The following ASTN2 variants were observed in gnomAD, a reference collection of about 807,000 sequenced individuals.
ASTN2 encodes the protein astrotactin 2, also known as astrotactin-2.
A neutral mutation model predicts 139.8 loss-of-function variants in ASTN2; 54 were observed. That is an observed-to-expected ratio of 0.39 (90% CI 0.31 to 0.48). The LOEUF (loss-of-function observed/expected upper bound fraction) is 0.48. ASTN2 is among the 20% of genes least tolerant of loss of function. The probability of loss-of-function intolerance (pLI) is 0.95; values close to 1 mark genes in which losing one functional copy is unlikely to be tolerated. For synonymous variants in ASTN2, 756 were observed against 719.5 expected (o/e 1.05, Z -0.81); for missense variants, 1,565 against 1,725.1 (o/e 0.91, Z 1.64).
chr9:117,316,105 G>T (rs891890227), intron 1 of ASTN2, among the ~76,000 whole-genome samples: 2 of 152,174 alleles, frequency 1.3e-5, no homozygotes, highest in African/African-American at 4.8e-5. Flanking sequence ...ATCACAAATT[G>T]CATGGCTTAG....
At chr9:117,196,075 G>A (rs753829356) in intron 3 of ASTN2, among the ~76,000 whole-genome samples, 36 of 152,168 alleles carry the variant, frequency 2.4e-4, no homozygotes, top group Middle Eastern at 3.2e-3. Flanking sequence ...TCAGTGTGGT[G>A]TAGTGAGTTC....
chr9:116,434,736 T>C (rs541776344), intron 22 of ASTN2, among the ~76,000 whole-genome samples: 13 of 152,306 alleles, frequency 8.5e-5, no homozygotes, highest in African/African-American at 2.4e-4. Context: ...AGCTCAGTTT[T>C]TCAAGTCTCC....
chr9:117,301,358 A>G (rs948046514), intron 1 of ASTN2, among the ~76,000 whole-genome samples: 1 of 152,198 alleles, frequency 6.6e-6, no homozygotes, highest in East Asian at 1.9e-4. Flanking sequence ...GTGGGTGACT[A>G]AAGAATGGAG....
At chr9:116,536,874 C>T (rs1285972296) in intron 19 of ASTN2, among the ~76,000 whole-genome samples, 1 of 152,222 alleles carries the variant, frequency 6.6e-6, no homozygotes, top group Non-Finnish European at 1.5e-5. Context: ...CCACTACTCT[C>T]TTCAAAGCTG....
chr9:117,084,766 TA>T (rs1296851716), intron 5 of ASTN2, among the ~76,000 whole-genome samples: 2 of 152,236 alleles, frequency 1.3e-5, no homozygotes, highest in Non-Finnish European at 2.9e-5. Context: ...TGTTGGCTGA[TA>T]TATCAAGGAA....
chr9:117,375,146 A>C (rs1830090284), intron 1 of ASTN2, among the ~76,000 whole-genome samples: 1 of 152,228 alleles, frequency 6.6e-6, no homozygotes, highest in African/African-American at 2.4e-5. Context: ...GTTAGTTTGT[A>C]AGGACAGAGA....
intron 5 of ASTN2, among the ~76,000 whole-genome samples, chr9:117,050,439 C>G (rs981100575): frequency 6.6e-6 from 1 of 151,966 alleles, no homozygotes; most frequent in African/African-American, 2.4e-5. Context: ...AATACACAAC[C>G]AACGTTATTC....
chr9:116,575,829 G>C (rs1328219003), intron 19 of ASTN2, among the ~76,000 whole-genome samples: 1 of 152,112 alleles, frequency 6.6e-6, no homozygotes, highest in Non-Finnish European at 1.5e-5. Flanking sequence ...TCATTGCATA[G>C]TGAGCTGATA....
At chr9:117,123,336 C>T (rs1271747122) in intron 4 of ASTN2, among the ~76,000 whole-genome samples, 1 of 151,950 alleles carries the variant, frequency 6.6e-6, no homozygotes, top group African/African-American at 2.4e-5. Context: ...CCATATGTGT[C>T]ACAGTTAAGA....
chr9:117,202,610 C>T lies in ASTN2; in HGVS notation c.1015+11748G>A, dbSNP rs192410185. Reference sequence around the variant, plus strand: ...CCTTTGCTTATGAAGCTTAGTTTGGCTAGATATGAAATTCTGGGTTGAAAA... The same window carrying T: ...CCTTTGCTTATGAAGCTTAGTTTGGTTAGATATGAAATTCTGGGTTGAAAA... On this transcript the variant is annotated intron_variant, in intron 3 of 22. Coordinates refer to ENST00000313400, the MANE Select transcript of ASTN2 (RefSeq NM_001365068.1). 2.3e-3 allele frequency among the ~76,000 whole-genome samples: 345 copies of T among 152,226 alleles called. 2 individuals are homozygous for T. The highest frequency in any genetic ancestry group is 8.0e-3 in the African/African-American group (334 of 41,544).
At chr9:116,632,196 G>GAGAGAAAGA (rs1856806883) in intron 17 of ASTN2, among the ~76,000 whole-genome samples, 1 of 21,774 alleles carries the variant, frequency 4.6e-5, no homozygotes, top group Non-Finnish European at 8.4e-5. Context: ...GAGAGAGAGA[G>GAGAGAAAGA]AAAGAAAGAA....
chr9:116,490,632 C>T (rs929989603), intron 19 of ASTN2, among the ~76,000 whole-genome samples: 9 of 152,094 alleles, frequency 5.9e-5, no homozygotes, highest in Non-Finnish European at 8.8e-5. Flanking sequence ...ACAATCATGG[C>T]GGAAGGCACC....
intron 19 of ASTN2, chr9:116,557,722 AT>A (rs2131651017): frequency 6.6e-6 from 1 of 152,324 alleles, no homozygotes; most frequent in South Asian, 2.1e-4. Flanking sequence ...GTGGCATGTA[AT>A]TTCCATACCT....
intron 6 of ASTN2, among the ~76,000 whole-genome samples, chr9:117,017,710 G>A (rs961629094): frequency 6.6e-6 from 1 of 152,066 alleles, no homozygotes; most frequent in Non-Finnish European, 1.5e-5. Context: ...GGGACAAAAT[G>A]TACATGATAA....
rs189464447 is a variant in ASTN2, at chr9:117,388,926, T to G, written c.442+25571A>C. On this transcript the variant is annotated intron_variant, in intron 1 of 22. Transcript: ENST00000313400. The stretch of plus-strand genomic sequence containing the variant: ...CACTCCTCATTGACCATAAAATAAT[T>G]TATTCAATGTGCAAAGAAACAAGTA... Among the ~76,000 whole-genome samples the G allele has an allele frequency of 1.2e-3, 186 of 152,274 alleles. 1 individual carries two copies. The highest frequency in any genetic ancestry group is 2.2e-3 in the Non-Finnish European group (149 of 68,026).
intron 12 of ASTN2, among the ~76,000 whole-genome samples, chr9:116,811,445 G>C (rs1243506326): frequency 6.6e-6 from 1 of 152,144 alleles, no homozygotes; most frequent in Non-Finnish European, 1.5e-5. Context: ...TAATTTGTTT[G>C]TTCCTCTTTT....
intron 19 of ASTN2, among the ~76,000 whole-genome samples, chr9:116,506,895 T>C (rs1055571195): frequency 2.0e-5 from 3 of 152,170 alleles, no homozygotes; most frequent in African/African-American, 4.8e-5. Context: ...CTTGCTTTTT[T>C]ACTTTGTGAC....
At position 116,699,262 on chromosome 9, in the gene ASTN2, A is replaced by G. The variant is rs760400497; in HGVS notation, c.2806+26509T>C. ...GATCGAGGATCAGGGGTGGTCAAAT[A>G]CAGCTGCCTATGTAGTGCTGTGCGG... On this transcript the variant is annotated intron_variant, in intron 16 of 22. Transcript: ENST00000313400. The surrounding 1 kb of genome is among the most constrained non-coding windows in gnomAD (Gnocchi z 4.2). The G allele has an allele frequency of 6.2e-7, 1 of 1,614,206 alleles. No individual in the cohort carries two copies. Among genetic ancestry groups the G allele is most frequent in the Admixed American group, 1.7e-5 (1 of 60,022 alleles).
chr9:116,609,339 TAC>T lies in ASTN2; in HGVS notation c.3355+8983_3355+8984del, dbSNP rs60507061. 5.4e-3 allele frequency among the ~76,000 whole-genome samples: 758 copies of T among 140,372 alleles called. 1 individual carries two copies. Among genetic ancestry groups the T allele is most frequent in the East Asian group, 0.023 (109 of 4,824 alleles). The allele number at this position is 140,372 out of a possible 152,430, so 92.1% of individuals were successfully genotyped here. A position where few individuals can be genotyped will look rare whatever the true frequency, so the allele number is the denominator to read the frequency against. ...CTCTCTCTCTCTCTCTATATATATATACACACACACACATATATACATGAATT... is the reference window on the plus strand; with the variant it reads ...CTCTCTCTCTCTCTCTATATATATATACACACACACATATATACATGAATT... On this transcript the variant is annotated intron_variant, in intron 19 of 22. Transcript: ENST00000313400.
Sources: gnomAD v4.1 joint callset for allele counts (sites outside exome capture counted in the v4.1 genomes callset) on GRCh38, gnomAD v4.1.1 for gene constraint, Gnocchi (gnomAD v3.1) non-coding constraint, MANE v1.5 for transcripts, NCBI Gene and HGNC (gene_info 2026-07-23, HGNC 2026-07-21) for gene names.